MYRIP: variants seen among roughly 807,000 people sequenced by gnomAD.
The protein encoded by MYRIP is myosin VIIA and Rab interacting protein, also known as rab effector MyRIP.
A neutral mutation model predicts 98.0 loss-of-function variants in MYRIP; 49 were observed. That is an observed-to-expected ratio of 0.50 (90% CI 0.40 to 0.63). MYRIP has a LOEUF of 0.63. MYRIP is among the 30% of genes least tolerant of loss of function. The pLI is 0.00. For missense variants in MYRIP, 1,004 were observed against 1,058.2 expected (o/e 0.95, Z 0.71); for synonymous variants, 404 against 409.5 (o/e 0.99, Z 0.16).
At chr3:40,199,423 C>T (rs1265732580) in intron 10 of MYRIP, among the ~76,000 whole-genome samples, 1 of 152,150 alleles carries the variant, frequency 6.6e-6, no homozygotes, top group East Asian at 1.9e-4. Context: ...AAGGCTGCCT[C>T]CCCACAGCTC....
chr3:39,983,534 C>T (rs1459015112), intron 2 of MYRIP, among the ~76,000 whole-genome samples: 2 of 152,166 alleles, frequency 1.3e-5, no homozygotes, highest in Non-Finnish European at 2.9e-5. Context: ...CACCATGATG[C>T]TTGATCTATT....
intron 1 of MYRIP, among the ~76,000 whole-genome samples, chr3:39,882,323 A>G (rs1257490480): frequency 1.3e-5 from 2 of 152,114 alleles, no homozygotes; most frequent in African/African-American, 4.8e-5. Context: ...TCCCTTTTGC[A>G]TCTCATCAAA....
At chr3:39,936,460 A>G (rs1164810909) in intron 2 of MYRIP, among the ~76,000 whole-genome samples, 1 of 152,200 alleles carries the variant, frequency 6.6e-6, no homozygotes, top group East Asian at 1.9e-4. Context: ...TCCATGGCTC[A>G]GATGTGCACT....
intron 1 of MYRIP, among the ~76,000 whole-genome samples, chr3:39,889,442 G>C (rs1489029052): frequency 5.3e-5 from 8 of 152,044 alleles, no homozygotes; most frequent in African/African-American, 1.9e-4. Context: ...AAAAACCAAA[G>C]ACCACATATT....
At chr3:39,814,191 G>T (rs1380485356) in intron 1 of MYRIP, among the ~76,000 whole-genome samples, 1 of 152,110 alleles carries the variant, frequency 6.6e-6, no homozygotes, top group East Asian at 1.9e-4. Flanking sequence ...TGTTATTTTA[G>T]CTCTCCTAGG....
intron 2 of MYRIP, among the ~76,000 whole-genome samples, chr3:40,025,470 A>T (rs981755810): frequency 5.3e-5 from 8 of 152,056 alleles, no homozygotes. Context: ...CTTTTAAATT[A>T]TCATGAACAC....
chr3:40,182,074 C>A lies in MYRIP; in HGVS notation c.874-146C>A. ...TTACCTGGCCTTATATACTGATTTG[C>A]AGCTTTTAAGGCTCACGTGAAAAGA... On this transcript the variant is annotated intron_variant, in intron 8 of 16. Coordinates refer to ENST00000302541, the MANE Select transcript of MYRIP (RefSeq NM_015460.4). 7 of 850,728 alleles carry A rather than the reference C, an allele frequency of 8.2e-6. No homozygotes were observed. The South Asian group carries it at 9.7e-5, about 12-fold the overall frequency. 52.7% of individuals were successfully genotyped at this position (850,728 alleles called of 1,614,324 possible).
At chr3:40,180,159 T>A (rs1398001544) in intron 8 of MYRIP, among the ~76,000 whole-genome samples, 1 of 152,182 alleles carries the variant, frequency 6.6e-6, no homozygotes, top group Non-Finnish European at 1.5e-5. Context: ...CCACTTTACA[T>A]GTGTGTTAGC....
At chr3:40,130,718 A>G (rs531096422) in intron 3 of MYRIP, among the ~76,000 whole-genome samples, 12 of 150,494 alleles carry the variant, frequency 8.0e-5, no homozygotes, top group Non-Finnish European at 1.0e-4. Flanking sequence ...ATATATATAT[A>G]TGTGTGTGTG....
At position 40,170,039 on chromosome 3, in the gene MYRIP, A is replaced by G. The variant is rs749908257; in HGVS notation, c.819A>G (p.Ala273=). Residue 273 remains alanine (A), a synonymous_variant, in exon 8 of 17, where the codon GCA becomes GCG. Coordinates refer to ENST00000302541, the MANE Select transcript of MYRIP (RefSeq NM_015460.4). Reference sequence around the variant, plus strand: ...CCCAGAGTTGCAGCACAAAGGTGGCAGATGAGGGGACCTCAGCATCCCCTG... The same window carrying G: ...CCCAGAGTTGCAGCACAAAGGTGGCGGATGAGGGGACCTCAGCATCCCCTG... ...PHPQSCSTKV[A]DEGTSASPGG... The G allele has an allele frequency of 1.6e-5, 26 of 1,614,136 alleles. No individual in the cohort carries two copies. Among genetic ancestry groups the G allele is most frequent in the Non-Finnish European group, 2.1e-5 (25 of 1,180,046 alleles).
chr3:40,045,147 C>G (rs1312997791), intron 3 of MYRIP, among the ~76,000 whole-genome samples: 1 of 152,086 alleles, frequency 6.6e-6, no homozygotes, highest in African/African-American at 2.4e-5. Flanking sequence ...TCCTTCTTTC[C>G]TCCTTTCTCC....
intron 2 of MYRIP, among the ~76,000 whole-genome samples, chr3:39,907,850 C>A (rs1003633886): frequency 2.0e-5 from 3 of 152,116 alleles, no homozygotes; most frequent in African/African-American, 7.2e-5. Context: ...TGCCATTGGG[C>A]CTCTCAGGTA....
At chr3:40,040,336 C>G (rs1947481876) in intron 2 of MYRIP, among the ~76,000 whole-genome samples, 1 of 137,720 alleles carries the variant, frequency 7.3e-6, no homozygotes, top group Non-Finnish European at 1.5e-5. Context: ...ACAACAGGTG[C>G]TGGAGAGGAT....
chr3:39,886,411 A>T (rs556971855), intron 1 of MYRIP, among the ~76,000 whole-genome samples: 1 of 149,344 alleles, frequency 6.7e-6, no homozygotes, highest in Non-Finnish European at 1.5e-5. Context: ...ATAAAGAGTC[A>T]AGACCCATCA....
At chr3:40,096,381 C>A (rs1948836114) in intron 3 of MYRIP, among the ~76,000 whole-genome samples, 2 of 152,258 alleles carry the variant, frequency 1.3e-5, no homozygotes, top group East Asian at 1.9e-4. Context: ...GCATCTCACA[C>A]ATCCTGAATC....
At chr3:40,246,309 G>A (rs943071062) in intron 13 of MYRIP, among the ~76,000 whole-genome samples, 3 of 152,034 alleles carry the variant, frequency 2.0e-5, no homozygotes, top group African/African-American at 4.8e-5. Context: ...GGGCAGGAGC[G>A]GAAATAGATG....
chr3:40,108,693 G>T (rs1233414338), intron 3 of MYRIP, among the ~76,000 whole-genome samples: 1 of 152,190 alleles, frequency 6.6e-6, no homozygotes, highest in Non-Finnish European at 1.5e-5. Flanking sequence ...TGACTGGGGA[G>T]AGCAATTTCA....
chr3:40,146,633 G>A (rs1483636735), intron 3 of MYRIP, among the ~76,000 whole-genome samples: 3 of 152,058 alleles, frequency 2.0e-5, no homozygotes, highest in African/African-American at 7.2e-5. Flanking sequence ...TCTGGCCCTG[G>A]AGCCCCTTCA....
At chr3:39,885,924 T>G (rs1472933005) in intron 1 of MYRIP, among the ~76,000 whole-genome samples, 2 of 151,902 alleles carry the variant, frequency 1.3e-5, no homozygotes, top group Non-Finnish European at 2.9e-5. Context: ...GTTTTCAACT[T>G]GTTTGCCTTT....
Sources: gnomAD v4.1 joint callset for allele counts (sites outside exome capture counted in the v4.1 genomes callset) on GRCh38, gnomAD v4.1.1 for gene constraint, MANE v1.5 for transcripts, NCBI Gene and HGNC (gene_info 2026-07-23, HGNC 2026-07-21) for gene names.